UHRF1: variants seen among roughly 807,000 people sequenced by gnomAD.
UHRF1 encodes the protein ubiquitin like with PHD and ring finger domains 1.
UHRF1 carries 9 observed loss-of-function variants against 96.5 expected under a neutral mutation model. That is an observed-to-expected ratio of 0.09 (90% confidence interval 0.06 to 0.16). The LOEUF is 0.16. Among genes scored for constraint, UHRF1 ranks in the 10% least tolerant of loss-of-function variants. UHRF1 has a pLI of 1.00. For missense variants in UHRF1, 626 were observed against 1,131.1 expected (o/e 0.55, Z 6.40); for synonymous variants, 455 against 469.9 (o/e 0.97, Z 0.41).
Position 4,941,739 on chromosome 19 carries a change from G to A in UHRF1, c.887-6G>A. On this transcript the variant is annotated splice_polypyrimidine_tract_variant and splice_region_variant and intron_variant, in intron 6 of 16. Coordinates refer to ENST00000650932, the MANE Select transcript of UHRF1 (RefSeq NM_001048201.3). ...GCCGGAGCTGACCCTGCCGCCCCGT[G>A]CCCAGGGAAGAGCGGGCCGTCCTGC... The A allele has an allele frequency of 1.3e-6, 2 of 1,546,210 alleles. No homozygotes were observed. The highest frequency in any genetic ancestry group is 1.7e-6 in the Non-Finnish European group (2 of 1,144,870).
At chr19:4,936,772 C>G (rs1318634179) in intron 5 of UHRF1, among the ~76,000 whole-genome samples, 1 of 150,104 alleles carries the variant, frequency 6.7e-6, no homozygotes, top group Non-Finnish European at 1.5e-5. Context: ...ACACCACTGC[C>G]CTCCAGCCTA....
At chr19:4,938,957 A>G (rs1005166532) in intron 5 of UHRF1, among the ~76,000 whole-genome samples, 3 of 150,916 alleles carry the variant, frequency 2.0e-5, no homozygotes, top group Admixed American at 6.6e-5. Flanking sequence ...TCTGTCACCC[A>G]TGGTGGAGTG....
chr19:4,942,087 G>A (rs2033422261), intron 7 of UHRF1, among the ~76,000 whole-genome samples, 156 bp downstream of exon 7: 1 of 152,234 alleles, frequency 6.6e-6, no homozygotes, highest in Admixed American at 6.5e-5. Context: ...CTTGAGCTCA[G>A]GAGTTCAAGA....
intron 2 of UHRF1, among the ~76,000 whole-genome samples, chr19:4,923,096 C>G (rs1040688884): frequency 6.6e-5 from 10 of 152,164 alleles, no homozygotes; most frequent in Admixed American, 3.3e-4. Flanking sequence ...TGGATCCCTC[C>G]TGGCCGCCCA....
Position 4,910,894 on chromosome 19 carries a change from C to T in UHRF1, c.9C>T (p.Ile3=), listed in dbSNP as rs375533624. Residue 3 remains isoleucine, a synonymous_variant, in exon 2 of 17, where the codon ATC becomes ATT. Transcript: ENST00000650932. The part of the protein sequence containing the change: MW[I]QVRTMDGRQT... ...CCCTCAGCGCCGACACCATGTGGAT[C>T]CAGGTTCGGACCATGGACGGGAGGC... The T allele has an allele frequency of 1.1e-5, 18 of 1,610,382 alleles. No individual in the cohort carries two copies. Among genetic ancestry groups the T allele is most frequent in the Non-Finnish European group, 1.4e-5 (16 of 1,177,764 alleles).
chr19:4,918,285 A>C (rs1220169173), intron 2 of UHRF1, among the ~76,000 whole-genome samples: 1 of 151,332 alleles, frequency 6.6e-6, no homozygotes, highest in Admixed American at 6.6e-5. Context: ...ACGTCCGGCT[A>C]ATTTTTTTGT....
chr19:4,936,958 A>G (rs2033234760), intron 5 of UHRF1, among the ~76,000 whole-genome samples: 1 of 152,164 alleles, frequency 6.6e-6, no homozygotes, highest in Non-Finnish European at 1.5e-5. Flanking sequence ...CCTCCTCACA[A>G]AATCCTTCTC....
intron 2 of UHRF1, among the ~76,000 whole-genome samples, chr19:4,915,248 G>T (rs756060420): frequency 6.6e-6 from 1 of 152,110 alleles, no homozygotes; most frequent in Non-Finnish European, 1.5e-5. Flanking sequence ...CGGGAGGGAG[G>T]GTCCCCACCA....
In UHRF1 at chr19:4,929,560, G is replaced by A. The variant is rs547181691; in HGVS notation, c.408+84G>A. 3.3e-6 allele frequency: 5 copies of A among 1,525,258 alleles called. No homozygotes were observed. The South Asian group carries it at 6.4e-5, about 20-fold the overall frequency. The allele number at this position is 1,525,258 out of a possible 1,614,324, so 94.5% of individuals were successfully genotyped here. ...TTGCATACCCAGGGCTCACAGGAGG[G>A]GCTTCCCACGCGCCTCTCTAGCTCT... is the stretch of plus-strand genomic sequence containing the variant. On this transcript the variant is annotated intron_variant, in intron 3 of 16. Transcript: ENST00000650932.
chr19:4,913,628 C>T (rs7259500), intron 2 of UHRF1, among the ~76,000 whole-genome samples: 3,497 of 152,100 alleles, frequency 0.023, 123 homozygotes, highest in African/African-American at 0.079. Flanking sequence ...GGAACTCACC[C>T]GGACTGAACA....
chr19:4,936,279 A>G (rs2033214137), intron 5 of UHRF1, among the ~76,000 whole-genome samples: 1 of 152,196 alleles, frequency 6.6e-6, no homozygotes, highest in Non-Finnish European at 1.5e-5. Context: ...TTCGACTTCT[A>G]TCATCTGCTG....
At chr19:4,943,503 T>A (rs17882933) in intron 7 of UHRF1, among the ~76,000 whole-genome samples, 17 of 128,770 alleles carry the variant, frequency 1.3e-4, no homozygotes, top group East Asian at 4.6e-4. Flanking sequence ...CTGCCCCCCC[T>A]CCCCACATCG....
At position 4,944,144 on chromosome 19, in the gene UHRF1, G is replaced by A; in HGVS notation, c.1086G>A (p.Glu362=). 1 of 1,613,942 alleles carries A rather than the reference G, an allele frequency of 6.2e-7. No homozygotes were observed. The highest frequency in any genetic ancestry group is 8.5e-7 in the Non-Finnish European group (1 of 1,179,890). ...CCCGACCTCGCAGGTACTGCCCTGA[G>A]TGCCGGAATGATGCCAGCGAGGTGG... ...VPSEDEWYCP[E]CRNDASEVVL... Residue 362 remains glutamate (E), a synonymous_variant, in exon 8 of 17, where the codon GAG becomes GAA. Transcript: ENST00000650932.
At position 4,954,737 on chromosome 19, in the gene UHRF1, G is replaced by T; in HGVS notation, c.2045G>T (p.Ser682Ile). The T allele has an allele frequency of 6.2e-7, 1 of 1,613,886 alleles. No individual in the cohort carries two copies. Among genetic ancestry groups the T allele is most frequent in the Non-Finnish European group, 8.5e-7 (1 of 1,179,844 alleles). The part of the protein sequence containing the change: ...EPYSLTAQQS[S>I]LIREDKSNAK... ...TACAGTCTCACGGCCCAGCAGAGCA[G>T]CCTCATCAGAGAGGACAAGAGCAAC... Residue 682 changes from serine to isoleucine, a missense_variant, in exon 15 of 17, where the codon AGC (serine) becomes ATC (isoleucine). Transcript: ENST00000650932. The surrounding 1 kb of genome is among the most constrained non-coding windows in gnomAD (Gnocchi z 5.9).
Position 4,954,401 on chromosome 19 carries a change from A to G in UHRF1, c.1870A>G (p.Asn624Asp). 1 of 1,613,600 alleles carries G rather than the reference A, an allele frequency of 6.2e-7. No individual in the cohort carries two copies. Among genetic ancestry groups the G allele is most frequent in the Non-Finnish European group, 8.5e-7 (1 of 1,179,786 alleles). Reference sequence around the variant, plus strand: ...GGCCAACCGAGAGCGAGAGAAGGAGAACAGCAAGAGGGAGGAGGAGGAGCA... The same window carrying G: ...GGCCAACCGAGAGCGAGAGAAGGAGGACAGCAAGAGGGAGGAGGAGGAGCA... Reference protein sequence around the residue: ...ALANREREKENSKREEEEQQE... With the variant: ...ALANREREKEDSKREEEEQQE... The change falls in exon 14 of 17, where the codon AAC (asparagine) becomes GAC (aspartate). Residue 624 changes from asparagine to aspartate, a missense_variant. By Grantham distance (23) the Asn-to-Asp change is conservative (BLOSUM62 1). Transcript: ENST00000650932. This position sits in a 1 kb window ranked among gnomAD's most constrained non-coding sequence, Gnocchi z 5.9.
intron 5 of UHRF1, among the ~76,000 whole-genome samples, chr19:4,934,277 G>A (rs1004960299): frequency 2.0e-5 from 3 of 151,628 alleles, no homozygotes; most frequent in Admixed American, 6.6e-5. Flanking sequence ...CAAGTGATTC[G>A]CCCGCCTCAG....
intron 5 of UHRF1, among the ~76,000 whole-genome samples, chr19:4,934,026 T>C (rs1162495309): frequency 7.6e-6 from 1 of 132,182 alleles, no homozygotes; most frequent in East Asian, 2.1e-4. Context: ...AAAATTTACC[T>C]TTTTTTTTTT....
chr19:4,931,153 G>A (rs2033039398), intron 4 of UHRF1, among the ~76,000 whole-genome samples: 1 of 152,134 alleles, frequency 6.6e-6, no homozygotes, highest in African/African-American at 2.4e-5. Flanking sequence ...TCCATCTTCC[G>A]GGTTTGTCAT....
chr19:4,959,848 G>C (rs1216809035), intron 16 of UHRF1, among the ~76,000 whole-genome samples: 2 of 151,478 alleles, frequency 1.3e-5, no homozygotes, highest in Non-Finnish European at 2.9e-5. Context: ...GCCACGCCCG[G>C]CTAATTTTTT....
Sources: gnomAD v4.1 joint callset for allele counts (sites outside exome capture counted in the v4.1 genomes callset) on GRCh38, gnomAD v4.1.1 for gene constraint, Gnocchi (gnomAD v3.1) non-coding constraint, MANE v1.5 for transcripts, NCBI Gene and HGNC (gene_info 2026-07-23, HGNC 2026-07-21) for gene names.